The following NLGN1 variants were observed in gnomAD, a reference collection of about 807,000 sequenced individuals.
The protein encoded by NLGN1 is neuroligin 1.
A neutral mutation model predicts 65.5 loss-of-function variants in NLGN1; 12 were observed. That is an observed-to-expected ratio of 0.18 (90% CI 0.12 to 0.30). The LOEUF is 0.30. Among genes scored for constraint, NLGN1 ranks in the 10% least tolerant of loss-of-function variants. The pLI, the probability that NLGN1 is intolerant of heterozygous loss-of-function variation, is 1.00. For synonymous variants in NLGN1, 350 were observed against 359.5 expected (o/e 0.97, Z 0.30); for missense variants, 750 against 1,007.1 (o/e 0.74, Z 3.46).
chr3:173,994,199 C>T (rs973272770), intron 4 of NLGN1, among the ~76,000 whole-genome samples: 4 of 152,004 alleles, frequency 2.6e-5, no homozygotes, highest in Non-Finnish European at 1.5e-5. Flanking sequence ...CCTTGACCTC[C>T]CAGGCTCAAG....
chr3:173,491,776 A>G (rs1009638143), intron 2 of NLGN1, among the ~76,000 whole-genome samples: 3 of 151,830 alleles, frequency 2.0e-5, no homozygotes, highest in African/African-American at 7.3e-5. Flanking sequence ...AATCTCCTAA[A>G]CTGAGCATTA....
chr3:173,533,517 C>G (rs1014391577), intron 2 of NLGN1, among the ~76,000 whole-genome samples: 1 of 152,108 alleles, frequency 6.6e-6, no homozygotes, highest in Admixed American at 6.6e-5. Flanking sequence ...GAAAATAAAG[C>G]CCGTAATCTT....
intron 3 of NLGN1, among the ~76,000 whole-genome samples, chr3:173,689,549 C>T (rs988819304): frequency 6.6e-6 from 1 of 152,084 alleles, no homozygotes; most frequent in African/African-American, 2.4e-5. Context: ...CCTGTAGGCA[C>T]TATTAAATCT....
At chr3:173,668,718 G>A (rs1231343148) in intron 3 of NLGN1, among the ~76,000 whole-genome samples, 1 of 151,498 alleles carries the variant, frequency 6.6e-6, no homozygotes, top group African/African-American at 2.4e-5. Context: ...CTGCCTCATG[G>A]GTCCCAGCAA....
intron 4 of NLGN1, among the ~76,000 whole-genome samples, chr3:174,227,276 A>G (rs1474750825): frequency 1.3e-5 from 2 of 152,202 alleles, no homozygotes; most frequent in African/African-American, 4.8e-5. Context: ...CCTGTGAAAT[A>G]TAAGACTGAA....
At position 173,795,223 on chromosome 3, in the gene NLGN1, A is replaced by G. The variant is rs545482502; in HGVS notation, c.494-12457A>G. On this transcript the variant is annotated intron_variant, in intron 3 of 6. Coordinates refer to ENST00000457714, the Ensembl canonical transcript of NLGN1. ...ACCACCAAGATTTGCACTGATATGG[A>G]TTCTTTTTTTAAATAATCAAGTGTT... 1.1e-4 allele frequency among the ~76,000 whole-genome samples: 16 copies of G among 152,198 alleles called. No homozygotes were observed. The South Asian group carries it at 3.3e-3, about 32-fold the overall frequency.
At chr3:173,439,848 T>A (rs1718843239) in intron 2 of NLGN1, among the ~76,000 whole-genome samples, 1 of 152,176 alleles carries the variant, frequency 6.6e-6, no homozygotes, top group Admixed American at 6.6e-5. Context: ...TACTGACTGA[T>A]CAGAGTGGTG....
chr3:173,503,785 C>T (rs1731548661), intron 2 of NLGN1, among the ~76,000 whole-genome samples: 1 of 151,992 alleles, frequency 6.6e-6, no homozygotes. Flanking sequence ...TCCAAAGGTG[C>T]TACAGGGTGT....
intron 2 of NLGN1, among the ~76,000 whole-genome samples, chr3:173,460,420 T>C (rs1209535711): frequency 1.3e-5 from 2 of 152,130 alleles, no homozygotes; most frequent in African/African-American, 4.8e-5. Context: ...AAACTGTTAT[T>C]CTCTGTTCTT....
At chr3:173,500,071 A>T (rs565002754) in intron 2 of NLGN1, among the ~76,000 whole-genome samples, 21 of 152,152 alleles carry the variant, frequency 1.4e-4, no homozygotes, top group Non-Finnish European at 2.4e-4. Context: ...TGCCCTGGCT[A>T]GAACTTCCAA....
intron 4 of NLGN1, among the ~76,000 whole-genome samples, chr3:174,273,360 G>A (rs1749852767): frequency 1.3e-5 from 2 of 151,464 alleles, no homozygotes; most frequent in Admixed American, 6.6e-5. Context: ...GTACAGTAAT[G>A]CTTCCATAAT....
chr3:173,512,186 T>A (rs1733089836), intron 2 of NLGN1, among the ~76,000 whole-genome samples: 1 of 152,244 alleles, frequency 6.6e-6, no homozygotes, highest in Non-Finnish European at 1.5e-5. Context: ...GGGCCCTTTG[T>A]CTTGTAGCAT....
chr3:173,970,337 C>T (rs1333249849), intron 4 of NLGN1, among the ~76,000 whole-genome samples: 1 of 152,080 alleles, frequency 6.6e-6, no homozygotes. Context: ...ACAGGACAAT[C>T]GCCTCATTGG....
chr3:173,553,102 A>G (rs539296124), intron 2 of NLGN1, among the ~76,000 whole-genome samples: 1 of 152,308 alleles, frequency 6.6e-6, no homozygotes, highest in East Asian at 1.9e-4. Flanking sequence ...GCTATTCCTG[A>G]CTTTGGAGCT....
intron 4 of NLGN1, among the ~76,000 whole-genome samples, chr3:174,254,314 T>C (rs1056493979): frequency 1.1e-5 from 1 of 91,350 alleles, no homozygotes; most frequent in Non-Finnish European, 2.5e-5. Context: ...TAATTTTTTT[T>C]TTTTTTTTTT....
At chr3:174,100,534 T>G (rs1712188631) in intron 4 of NLGN1, among the ~76,000 whole-genome samples, 1 of 100,438 alleles carries the variant, frequency 1.0e-5, no homozygotes. Context: ...AGGATCTGTC[T>G]CTGTCTGCTT....
intron 2 of NLGN1, among the ~76,000 whole-genome samples, chr3:173,548,785 A>G (rs1027738666): frequency 6.6e-6 from 1 of 151,904 alleles, no homozygotes; most frequent in Non-Finnish European, 1.5e-5. Flanking sequence ...ATGAAAGTAT[A>G]TCTATTTCTA....
intron 2 of NLGN1, among the ~76,000 whole-genome samples, chr3:173,479,854 T>TA (rs1487100762): frequency 6.6e-6 from 1 of 152,156 alleles, no homozygotes; most frequent in Non-Finnish European, 1.5e-5. Flanking sequence ...AGTAAACACA[T>TA]AACCATCTTT....
intron 4 of NLGN1, among the ~76,000 whole-genome samples, chr3:174,144,003 G>T (rs1246243387): frequency 3.3e-5 from 5 of 152,150 alleles, no homozygotes; most frequent in East Asian, 3.9e-4. Context: ...TGACATGGTG[G>T]TTTGCTGCAC....
Sources: allele counts gnomAD v4.1 joint callset (sites outside exome capture counted in the v4.1 genomes callset), GRCh38; gene constraint gnomAD v4.1.1; transcripts MANE v1.5; gene names NCBI Gene and HGNC (gene_info 2026-07-23, HGNC 2026-07-21).